The following BAZ2B variants were observed in gnomAD, a reference collection of about 807,000 sequenced individuals.
BAZ2B encodes bromodomain adjacent to zinc finger domain 2B, also known as bromodomain adjacent to zinc finger domain protein 2B.
A neutral mutation model predicts 246.0 loss-of-function variants in BAZ2B; 91 were observed. That is an observed-to-expected ratio of 0.37 (90% CI 0.31 to 0.44). BAZ2B has a LOEUF of 0.44. BAZ2B is among the 20% of genes least tolerant of loss of function. BAZ2B has a pLI of 1.00. For missense variants in BAZ2B, 2,332 were observed against 2,533.7 expected (o/e 0.92, Z 1.71); for synonymous variants, 855 against 860.0 (o/e 0.99, Z 0.10).
intron 3 of BAZ2B, among the ~76,000 whole-genome samples, chr2:159,458,062 C>T (rs1297586385): frequency 6.6e-6 from 1 of 152,176 alleles, no homozygotes; most frequent in Non-Finnish European, 1.5e-5. Flanking sequence ...GGCTGGAGTG[C>T]AGTGGCACAA....
chr2:159,439,149 C>G lies in BAZ2B; in HGVS notation c.760G>C (p.Asp254His). ...NSDSDSGTSS[D>H]TSSEGISSSD... ...CTACTAATGCCTTCACTTGAGGTGT[C>G]TGATGATGTGCCTGAATCACTATCA... The change falls in exon 7 of 37, where the codon GAC becomes CAC. Residue 254 changes from aspartate (D) to histidine (H), a missense_variant. This residue lies in a region of BAZ2B where 161 missense variants were observed against 225.8 expected (regional missense o/e 0.71). Transcript: ENST00000392783. 1.2e-6 allele frequency: 2 copies of G among 1,614,012 alleles called. No individual in the cohort carries two copies. Among genetic ancestry groups the G allele is most frequent in the African/African-American group, 1.3e-5 (1 of 75,052 alleles).
chr2:159,602,323 C>T (rs938198574), intron 1 of BAZ2B, among the ~76,000 whole-genome samples: 2 of 152,106 alleles, frequency 1.3e-5, no homozygotes, highest in Non-Finnish European at 2.9e-5. Flanking sequence ...AATAGATAAC[C>T]TAGCATTGGT....
chr2:159,603,094 A>G (rs1692558066), intron 1 of BAZ2B, among the ~76,000 whole-genome samples: 1 of 152,206 alleles, frequency 6.6e-6, no homozygotes, highest in Non-Finnish European at 1.5e-5. Context: ...CCGAGATCGC[A>G]CCACTGCACT....
chr2:159,542,376 C>T (rs549981790), intron 2 of BAZ2B, among the ~76,000 whole-genome samples: 1 of 152,144 alleles, frequency 6.6e-6, no homozygotes, highest in Non-Finnish European at 1.5e-5. Flanking sequence ...AAGAGATCCA[C>T]ACAAAGACAC....
chr2:159,467,271 T>C (rs1485424438), intron 3 of BAZ2B, among the ~76,000 whole-genome samples: 8 of 152,296 alleles, frequency 5.3e-5, no homozygotes, highest in Admixed American at 2.0e-4. Context: ...CAGCTCGATA[T>C]GGCTAGGTGA....
At chr2:159,471,994 G>A (rs1051235036) in intron 3 of BAZ2B, among the ~76,000 whole-genome samples, 2 of 152,164 alleles carry the variant, frequency 1.3e-5, no homozygotes, top group Non-Finnish European at 2.9e-5. Context: ...TTACAATACA[G>A]AGCTGGGGAG....
intron 36 of BAZ2B, among the ~76,000 whole-genome samples, chr2:159,323,374 G>T (rs972044923): frequency 6.6e-6 from 1 of 152,118 alleles, no homozygotes; most frequent in Non-Finnish European, 1.5e-5. Flanking sequence ...TTTTATCCAG[G>T]AATTGGAAGA....
At chr2:159,652,357 G>A in the BAZ2B span, among the ~76,000 whole-genome samples, 7 of 151,924 alleles carry the variant, frequency 4.6e-5, no homozygotes, top group African/African-American at 1.7e-4. Context: ...TTATAGGCGC[G>A]TGCCACAACA....
intron 27 of BAZ2B, among the ~76,000 whole-genome samples, chr2:159,357,839 C>T (rs2059274233): frequency 6.6e-6 from 1 of 152,126 alleles, no homozygotes; most frequent in South Asian, 2.1e-4. Context: ...GAATTTTCAA[C>T]CCAGAATTTT....
chr2:159,523,472 G>A (rs187034179), intron 2 of BAZ2B, among the ~76,000 whole-genome samples: 26 of 152,144 alleles, frequency 1.7e-4, no homozygotes, highest in African/African-American at 5.5e-4. Flanking sequence ...TTGGGAGGTC[G>A]AGGCGGGCGG....
intron 1 of BAZ2B, among the ~76,000 whole-genome samples, chr2:159,570,588 A>C (rs1683757418): frequency 6.6e-6 from 1 of 152,206 alleles, no homozygotes; most frequent in Admixed American, 6.5e-5. Flanking sequence ...CCCTGAGAAG[A>C]TAGTGACCTC....
chr2:159,528,686 A>G lies in BAZ2B; in HGVS notation c.-3+27137T>C, dbSNP rs200298519. ...TGACAAGCGAAACTCTGTCTCAAAA[A>G]AAAAAAAAAAAGAATAGTAGAGAAG... On this transcript the variant is annotated intron_variant, in intron 2 of 36. Transcript: ENST00000392783. 1.8e-4 allele frequency among the ~76,000 whole-genome samples: 27 copies of G among 151,806 alleles called. No homozygotes were observed. In the East Asian group the frequency reaches 4.8e-3, roughly 27 times the overall value.
intron 1 of BAZ2B, among the ~76,000 whole-genome samples, chr2:159,567,735 A>G (rs1009182327): frequency 6.6e-6 from 1 of 152,198 alleles, no homozygotes; most frequent in African/African-American, 2.4e-5. Context: ...GCACTTCAGG[A>G]GGCTGCAGCG....
rs1320746339 is a variant in BAZ2B at position 159,451,337 on chromosome 2, TA to T, written c.334+2275del. On this transcript the variant is annotated intron_variant, in intron 4 of 36. Coordinates refer to ENST00000392783, the MANE Select transcript of BAZ2B (RefSeq NM_013450.4). ...AATACTTTAGAAAGTGCATAAAATA[TA>T]AAAAATTATTCCTCATTAAAAACTC... Among the ~76,000 whole-genome samples the T allele has an allele frequency of 5.3e-5, 8 of 152,324 alleles. No homozygotes were observed. In the East Asian group the frequency reaches 1.5e-3, roughly 29 times the overall value.
At chr2:159,601,863 T>C (rs1692237379) in intron 1 of BAZ2B, among the ~76,000 whole-genome samples, 1 of 152,220 alleles carries the variant, frequency 6.6e-6, no homozygotes, top group African/African-American at 2.4e-5. Context: ...GTGCCCAATG[T>C]TACCAATACA....
chr2:159,533,018 GA>G (rs2151329061), intron 2 of BAZ2B, among the ~76,000 whole-genome samples: 1 of 152,300 alleles, frequency 6.6e-6, no homozygotes, highest in Admixed American at 6.5e-5. Flanking sequence ...GTAAGAATAG[GA>G]GACATGATAC....
chr2:159,448,199 G>A, intron 5 of BAZ2B, 43 bp downstream of exon 5: 1 of 1,569,626 alleles, frequency 6.4e-7, no homozygotes, highest in East Asian at 2.3e-5. Flanking sequence ...AATAATATTA[G>A]AATGGAAGAT....
At chr2:159,659,514 G>T in the BAZ2B span, among the ~76,000 whole-genome samples, 51 of 152,262 alleles carry the variant, frequency 3.3e-4, no homozygotes, top group Non-Finnish European at 6.5e-4. Flanking sequence ...AAAACTGGGG[G>T]TTTTCCCCAC....
intron 27 of BAZ2B, among the ~76,000 whole-genome samples, chr2:159,357,826 A>G (rs951375469): frequency 3.9e-5 from 6 of 152,250 alleles, no homozygotes; most frequent in African/African-American, 1.2e-4. Flanking sequence ...TTCTTAAAGA[A>G]AAGAATTTTC....
Sources: allele counts gnomAD v4.1 joint callset (sites outside exome capture counted in the v4.1 genomes callset), GRCh38; gene constraint gnomAD v4.1.1; regional missense constraint gnomAD v4.1.1; transcripts MANE v1.5; gene names NCBI Gene and HGNC (gene_info 2026-07-23, HGNC 2026-07-21).